BAALC: variants seen among roughly 807,000 people sequenced by gnomAD.
BAALC encodes the protein BAALC binder of MAP3K1 and KLF4.
BAALC carries 9 observed loss-of-function variants against 15.5 expected under a neutral mutation model. That is an observed-to-expected ratio of 0.58 (90% CI 0.35 to 1.02). BAALC has a LOEUF of 1.02. Ranked by LOEUF, BAALC falls within the 50% of genes least tolerant of loss-of-function variation. The probability of loss-of-function intolerance (pLI) is 0.02; values close to 1 mark genes in which losing one functional copy is unlikely to be tolerated. For synonymous variants in BAALC, 80 were observed against 74.6 expected, an observed-to-expected ratio of 1.07 and a Z score of -0.37; for missense variants, 201 against 192.4, an observed-to-expected ratio of 1.04 and a Z score of -0.27.
intron 1 of BAALC, among the ~76,000 whole-genome samples, chr8:103,143,763 C>G (rs921620280): frequency 6.6e-6 from 1 of 152,204 alleles, no homozygotes; most frequent in East Asian, 1.9e-4. Context: ...ATCTTCTGTG[C>G]TGAACACATC....
chr8:103,197,954 C>G, intron 1 of BAALC: 1 of 562,298 alleles, frequency 1.8e-6, no homozygotes, highest in Non-Finnish European at 3.1e-6. Context: ...CAGCCTTCAT[C>G]CCAACGATGC....
At chr8:103,227,887 A>G (rs1167486787) in intron 2 of BAALC, 102 bp from the exon 3 acceptor site, 1 of 757,412 alleles carries the variant, frequency 1.3e-6, no homozygotes, top group Non-Finnish European at 2.2e-6. Context: ...GCACATTCTC[A>G]ACTATGGCAC....
At chr8:103,197,358 G>C (rs761374745) in intron 1 of BAALC, among the ~76,000 whole-genome samples, 1 of 152,082 alleles carries the variant, frequency 6.6e-6, no homozygotes, top group Non-Finnish European at 1.5e-5. Flanking sequence ...GTGGCAGGGA[G>C]TGGGGATCAT....
chr8:103,144,378 C>A, intron 1 of BAALC, among the ~76,000 whole-genome samples: 1 of 152,216 alleles, frequency 6.6e-6, no homozygotes, highest in Non-Finnish European at 1.5e-5. Context: ...AATTTAAAAG[C>A]TAGCTGAAGC....
At position 103,151,252 on chromosome 8, in the gene BAALC, C is replaced by T. The variant is rs138910311; in HGVS notation, c.160+10195C>T. Among the ~76,000 whole-genome samples, 496 of 152,162 alleles carry T rather than the reference C, an allele frequency of 3.3e-3. 1 individual carries two copies. The highest frequency in any genetic ancestry group is 0.011 in the African/African-American group (453 of 41,494). Reference sequence around the variant, plus strand: ...CAGGGTGGTCTTAATCTCCTGACTTCGTGATCTGCCTGCTTTGGCCTCCCA... The same window carrying T: ...CAGGGTGGTCTTAATCTCCTGACTTTGTGATCTGCCTGCTTTGGCCTCCCA... On this transcript the variant is annotated intron_variant, in intron 1 of 2. Transcript: ENST00000309982.
chr8:103,149,765 TTTTC>T (rs1810945918), intron 1 of BAALC, among the ~76,000 whole-genome samples: 1 of 152,038 alleles, frequency 6.6e-6, no homozygotes, highest in Admixed American at 6.5e-5. Context: ...GTAAAGGGAT[TTTTC>T]TTTTTTTCTT....
chr8:103,189,186 C>A (rs964027074), intron 1 of BAALC, among the ~76,000 whole-genome samples: 5 of 152,192 alleles, frequency 3.3e-5, no homozygotes, highest in African/African-American at 9.7e-5. Flanking sequence ...AATACATCCA[C>A]TACAACTTGT....
At chr8:103,222,380 C>T (rs1812696133) in intron 2 of BAALC, among the ~76,000 whole-genome samples, 1 of 152,126 alleles carries the variant, frequency 6.6e-6, no homozygotes, top group Non-Finnish European at 1.5e-5. Context: ...TGGGGTAAAA[C>T]ATTTTGATTT....
At chr8:103,223,078 T>G (rs1812716523) in intron 2 of BAALC, among the ~76,000 whole-genome samples, 1 of 152,106 alleles carries the variant, frequency 6.6e-6, no homozygotes, top group African/African-American at 2.4e-5. Context: ...TTTGGGAGGC[T>G]GATGCGGGTG....
intron 1 of BAALC, among the ~76,000 whole-genome samples, chr8:103,189,112 T>C (rs1811911391): frequency 6.6e-6 from 1 of 152,192 alleles, no homozygotes; most frequent in African/African-American, 2.4e-5. Flanking sequence ...TCCCAATGAA[T>C]AGAAACTCCT....
At chr8:103,180,417 TG>T (rs1811700650) in intron 1 of BAALC, among the ~76,000 whole-genome samples, 4 of 152,294 alleles carry the variant, frequency 2.6e-5, no homozygotes, top group South Asian at 2.1e-4. Flanking sequence ...GGAAAGGGAC[TG>T]GAACTAGGAC....
At chr8:103,187,037 C>A (rs549482101) in intron 1 of BAALC, among the ~76,000 whole-genome samples, 14 of 152,178 alleles carry the variant, frequency 9.2e-5, no homozygotes, top group Admixed American at 2.0e-4. Flanking sequence ...GTAATATCGG[C>A]CACGTGCTGT....
chr8:103,157,340 A>G (rs1327776130), intron 1 of BAALC, among the ~76,000 whole-genome samples: 2 of 152,148 alleles, frequency 1.3e-5, no homozygotes, highest in East Asian at 3.8e-4. Context: ...TTTGGATAAT[A>G]TTATATAATA....
chr8:103,164,858 T>C (rs1394795328), intron 1 of BAALC, among the ~76,000 whole-genome samples: 1 of 152,180 alleles, frequency 6.6e-6, no homozygotes, highest in Non-Finnish European at 1.5e-5. Context: ...CTTGTGCACA[T>C]GTGCACAGGT....
chr8:103,205,143 G>T (rs1271081882), intron 1 of BAALC, among the ~76,000 whole-genome samples: 1 of 152,124 alleles, frequency 6.6e-6, no homozygotes, highest in Admixed American at 6.5e-5. Flanking sequence ...CTTCACCAAG[G>T]AAAGCCAGGT....
chr8:103,180,676 A>G (rs181795939), intron 1 of BAALC, among the ~76,000 whole-genome samples: 10 of 152,342 alleles, frequency 6.6e-5, no homozygotes, highest in African/African-American at 1.7e-4. Flanking sequence ...AGCAAGATGC[A>G]AAGTGGAGAT....
chr8:103,176,642 G>C (rs1220956869), intron 1 of BAALC, among the ~76,000 whole-genome samples: 1 of 152,064 alleles, frequency 6.6e-6, no homozygotes, highest in Non-Finnish European at 1.5e-5. Context: ...TTGTCTCTGT[G>C]ACCCGCCTTT....
intron 1 of BAALC, among the ~76,000 whole-genome samples, chr8:103,178,674 T>C (rs529784918): frequency 6.6e-6 from 1 of 152,190 alleles, no homozygotes; most frequent in African/African-American, 2.4e-5. Flanking sequence ...CTGGCCAACA[T>C]GGTGAAACCC....
chr8:103,201,055 A>C (rs1269290395), intron 1 of BAALC, among the ~76,000 whole-genome samples: 1 of 152,152 alleles, frequency 6.6e-6, no homozygotes, highest in Non-Finnish European at 1.5e-5. Context: ...GAGCAGTTTA[A>C]GGGAGTCATC....
Sources: allele counts gnomAD v4.1 joint callset (sites outside exome capture counted in the v4.1 genomes callset), GRCh38; gene constraint gnomAD v4.1.1; transcripts MANE v1.5; gene names NCBI Gene and HGNC (gene_info 2026-07-23, HGNC 2026-07-21).